The following PLXNB2 variants were observed in gnomAD, a reference collection of about 807,000 sequenced individuals.
The protein encoded by PLXNB2 is plexin-B2.
Under a neutral mutation model 202.6 loss-of-function variants are expected in PLXNB2, and 85 were observed. The observed-to-expected ratio is 0.42, with a 90% CI of 0.35 to 0.50. The LOEUF (loss-of-function observed/expected upper bound fraction) is 0.50, where lower values mean the gene tolerates loss of function less well. PLXNB2 is among the 20% of genes least tolerant of loss of function. PLXNB2 has a pLI of 0.02. For synonymous variants in PLXNB2, 1,239 were observed against 1,137.6 expected (o/e 1.09, Z -1.79); for missense variants, 2,063 against 2,586.2 (o/e 0.80, Z 4.39).
Position 50,276,843 on chromosome 22 carries a change from C to T in PLXNB2, c.5260G>A (p.Asp1754Asn), listed in dbSNP as rs769993436. 8.7e-6 allele frequency: 14 copies of T among 1,606,382 alleles called. No homozygotes were observed. Among genetic ancestry groups the T allele is most frequent in the African/African-American group, 2.7e-5 (2 of 74,788 alleles). The change falls in exon 34 of 37, where the codon GAT becomes AAT. Residue 1754 changes from aspartate (D) to asparagine (N), a missense_variant and splice_region_variant. Transcript: ENST00000359337. ...EISTYKKMVE[D>N]YYKGIRQMVQ... is the part of the protein sequence containing the mutation. ...GGCCTGGAGGGCAGGCAGACTTACT[C>T]CTCCACCATCTTCTTGTAGGTGGAG...
intron 1 of PLXNB2, among the ~76,000 whole-genome samples, chr22:50,305,545 C>T (rs1174883505): frequency 1.3e-5 from 2 of 152,198 alleles, no homozygotes; most frequent in South Asian, 4.1e-4. Flanking sequence ...CAGAGGGGGT[C>T]GTAGGCAAGG....
Position 50,297,293 on chromosome 22 carries a change from G to A in PLXNB2, c.-73-2515C>T, listed in dbSNP as rs932184066. ...ACGGGCCCAGGCCCCAGGCGTGGGCGGGGGCAGCCAAGGTCAGGGGAGGCT... is the reference window on the plus strand; with the variant it reads ...ACGGGCCCAGGCCCCAGGCGTGGGCAGGGGCAGCCAAGGTCAGGGGAGGCT... On this transcript the variant is annotated intron_variant, in intron 1 of 36. Coordinates refer to ENST00000359337, the MANE Select transcript of PLXNB2 (RefSeq NM_012401.4). This position sits in a 1 kb window ranked among gnomAD's most constrained non-coding sequence, Gnocchi z 5.3. Among the ~76,000 whole-genome samples the A allele has an allele frequency of 2.0e-5, 3 of 152,198 alleles. No individual in the cohort carries two copies. Among genetic ancestry groups the A allele is most frequent in the South Asian group, 2.1e-4 (1 of 4,824 alleles).
chr22:50,279,699 T>G lies in PLXNB2; in HGVS notation c.4320A>C (p.Val1440=). The G allele has an allele frequency of 6.2e-7, 1 of 1,613,954 alleles. No homozygotes were observed. Among genetic ancestry groups the G allele is most frequent in the Non-Finnish European group, 8.5e-7 (1 of 1,179,938 alleles). Residue 1440 remains valine, a synonymous_variant, in exon 27 of 37, where the codon GTA becomes GTC. Coordinates refer to ENST00000359337, the MANE Select transcript of PLXNB2 (RefSeq NM_012401.4). ...TGAGAGTGTACTTGGCCTTCTTCTG[T>G]ACCGCATCCACCGGGCCCTTTTCCA... ...HQVEKGPVDA[V]QKKAKYTLND...
chr22:50,281,465 C>T lies in PLXNB2; in HGVS notation c.3557G>A (p.Arg1186His), dbSNP rs755195831. 2.7e-5 allele frequency: 43 copies of T among 1,612,234 alleles called. No homozygotes were observed. The highest frequency in any genetic ancestry group is 1.6e-4 in the Middle Eastern group (1 of 6,084). The change falls in exon 22 of 37, where the codon CGC becomes CAC. Residue 1186 changes from arginine (R) to histidine (H), a missense_variant. By Grantham distance (29) the Arg-to-His change is conservative. Around this residue, in one of 2 missense-constraint regions of PLXNB2, gnomAD observed 760 missense variants for 1,109.4 expected, o/e 0.69. Transcript: ENST00000359337. Reference protein sequence around the residue: ...KFGSREWVLGRVEYDTRVSDV... With the variant: ...KFGSREWVLGHVEYDTRVSDV... ...GCTCACCCGTGTGTCGTACTCCACGCGGCCCAGCACCCACTCGCGAGAGCC... is the reference window on the plus strand; with the variant it reads ...GCTCACCCGTGTGTCGTACTCCACGTGGCCCAGCACCCACTCGCGAGAGCC...
At position 50,284,717 on chromosome 22, in the gene PLXNB2, C is replaced by G. The variant is rs759385312; in HGVS notation, c.2089-52G>C. The G allele has an allele frequency of 2.1e-6, 3 of 1,403,530 alleles. No homozygotes were observed. The highest frequency in any genetic ancestry group is 3.0e-6 in the Non-Finnish European group (3 of 990,062). 86.9% of individuals were successfully genotyped at this position (1,403,530 alleles called of 1,614,324 possible). On this transcript the variant is annotated intron_variant, in intron 11 of 36. Transcript: ENST00000359337. The surrounding 1 kb of genome is among the most constrained non-coding windows in gnomAD (Gnocchi z 8.0). Reference sequence around the variant, plus strand: ...GACAGGCGGCTGTGGCACCCTGGCCCTCCTCCCAGAACCCCTGCAGCCCCT... The same window carrying G: ...GACAGGCGGCTGTGGCACCCTGGCCGTCCTCCCAGAACCCCTGCAGCCCCT...
At position 50,288,660 on chromosome 22, in the gene PLXNB2, C is replaced by T. The variant is rs965222619; in HGVS notation, c.1380+83G>A. On this transcript the variant is annotated intron_variant, in intron 5 of 36. Transcript: ENST00000359337. The surrounding 1 kb of genome is among the most constrained non-coding windows in gnomAD (Gnocchi z 5.0). ...CTGCAGCACCCCATCCTCCTCTGGC[C>T]CCCAGGCCTGTCCTAAGGGCCTGGG... 31 of 1,558,918 alleles carry T rather than the reference C, an allele frequency of 2.0e-5. No individual in the cohort carries two copies. Among genetic ancestry groups the T allele is most frequent in the Non-Finnish European group, 2.6e-5 (30 of 1,148,716 alleles).
In PLXNB2 at chr22:50,281,546, G is replaced by A. The variant is rs780062318; in HGVS notation, c.3522+20C>T. The A allele has an allele frequency of 8.7e-6, 14 of 1,607,622 alleles. 1 individual carries two copies. The East Asian group carries it at 1.1e-4, about 13-fold the overall frequency. Reference sequence around the variant, plus strand: ...GCGCGGTCCCGTGGGGGCACCCCCCGCCAGTCCCCGCTCACGCACAATGAA... The same window carrying A: ...GCGCGGTCCCGTGGGGGCACCCCCCACCAGTCCCCGCTCACGCACAATGAA... On this transcript the variant is annotated intron_variant, in intron 21 of 36. Coordinates refer to ENST00000359337, the MANE Select transcript of PLXNB2 (RefSeq NM_012401.4).
At position 50,287,179 on chromosome 22, in the gene PLXNB2, G is replaced by A; in HGVS notation, c.1694C>T (p.Ala565Val). Reference protein sequence around the residue: ...CLFGESPPHPARVEGEAVICN... With the variant: ...CLFGESPPHPVRVEGEAVICN... ...GATGACGGCCTCGCCCTCCACGCGG[G>A]CGGGGTGTGGCGGCGACTCCCCAAA... is the stretch of plus-strand genomic sequence containing the variant. The change falls in exon 8 of 37, where the codon GCC (alanine) becomes GTC (valine). Residue 565 changes from alanine (A) to valine (V), a missense_variant. By Grantham distance (64) the Ala-to-Val change is moderately conservative (BLOSUM62 0). Around this residue, in one of 2 missense-constraint regions of PLXNB2, gnomAD observed 1,303 missense variants for 1,476.8 expected, o/e 0.88. Coordinates refer to ENST00000359337, the MANE Select transcript of PLXNB2 (RefSeq NM_012401.4). 15 of 1,548,192 alleles carry A rather than the reference G, an allele frequency of 9.7e-6. No individual in the cohort carries two copies. The highest frequency in any genetic ancestry group is 1.3e-5 in the Non-Finnish European group (15 of 1,145,778).
At chr22:50,294,861 G>T in intron 1 of PLXNB2, 83 bp from the exon 2 acceptor site, 2 of 702,418 alleles carry the variant, frequency 2.8e-6, no homozygotes, top group Non-Finnish European at 3.5e-6. Flanking sequence ...TGCTGGTGGG[G>T]CTTGGGGGAA....
chr22:50,283,154 C>T lies in PLXNB2; in HGVS notation c.2712G>A (p.Gln904=). Residue 904 remains glutamine, a synonymous_variant, in exon 17 of 37, where the codon CAG becomes CAA. Coordinates refer to ENST00000359337, the MANE Select transcript of PLXNB2 (RefSeq NM_012401.4). ...QPKPLSVEPQ[Q]GPQAGGTTLT... The stretch of plus-strand genomic sequence containing the variant: ...GTGTGGTGCCGCCCGCCTGCGGTCC[C>T]TGCTGCGGCTCCACACTGAGAGGCT... 6.3e-7 allele frequency: 1 copy of T among 1,597,662 alleles called. No individual in the cohort carries two copies. The highest frequency in any genetic ancestry group is 1.7e-4 in the Middle Eastern group (1 of 5,842).
chr22:50,286,246 T>C lies in PLXNB2; in HGVS notation c.1804A>G (p.Asn602Asp), dbSNP rs1407258647. ...TACTGGTAGGACGTGAGGAAGATGT[T>C]GCCTCGTCTAAGGAGGAGCTGGATG... is the stretch of plus-strand genomic sequence containing the variant. ...VTIQLLLRRG[N>D]IFLTSYQYPF... The change falls in exon 9 of 37, where the codon AAC becomes GAC. Residue 602 changes from asparagine (N) to aspartate (D), a missense_variant. Around this residue, in one of 2 missense-constraint regions of PLXNB2, gnomAD observed 1,303 missense variants for 1,476.8 expected, o/e 0.88. Transcript: ENST00000359337. 5 of 1,613,278 alleles carry C rather than the reference T, an allele frequency of 3.1e-6. No homozygotes were observed. In the South Asian group the frequency reaches 5.5e-5, roughly 18 times the overall value.
chr22:50,296,194 A>ACACACACG lies in PLXNB2; in HGVS notation c.-73-1417_-73-1416insCGTGTGTG, dbSNP rs1860735584. 4.5e-4 allele frequency among the ~76,000 whole-genome samples: 4 copies of ACACACACG among 8,976 alleles called. No individual in the cohort carries two copies. In the South Asian group the frequency reaches 0.031, roughly 69 times the overall value. 5.9% of individuals were successfully genotyped at this position (8,976 alleles called of 152,430 possible). On this transcript the variant is annotated intron_variant, in intron 1 of 36. Coordinates refer to ENST00000359337, the MANE Select transcript of PLXNB2 (RefSeq NM_012401.4). ...CCAGAGTGAGACTGTCTCAAAAAAT[A>ACACACACG]CACACACACACACACACACACACAC...
At chr22:50,279,967 C>G (rs763237336) in intron 26 of PLXNB2, 38 bp downstream of exon 26, 1 of 1,524,816 alleles carries the variant, frequency 6.6e-7, no homozygotes, top group East Asian at 2.3e-5. Context: ...CAGTCTGCCT[C>G]ATCCCTCAAG....
In PLXNB2 at chr22:50,287,944, C is replaced by T. The variant is rs763707512; in HGVS notation, c.1474G>A (p.Glu492Lys). Residue 492 changes from glutamate (E) to lysine (K), a missense_variant, in exon 6 of 37, where the codon GAG (glutamate) becomes AAG (lysine). Physicochemically the swap from Glu to Lys is moderately conservative, Grantham distance 56. Transcript: ENST00000359337. ...GCCACCCCAGGCACTCACCGTCCCT[C>T]GACGACGCACCAGCCGCAGTAGGGG... ...QDPYCGWCVV[E>K]GRCTRKAECP... is the part of the protein sequence containing the mutation. 6 of 1,585,364 alleles carry T rather than the reference C, an allele frequency of 3.8e-6. No homozygotes were observed. Among genetic ancestry groups the T allele is most frequent in the South Asian group, 2.3e-5 (2 of 87,442 alleles).
Position 50,280,629 on chromosome 22 carries a change from G to A in PLXNB2, c.4035C>T (p.Arg1345=), listed in dbSNP as rs370802560. The change falls in exon 25 of 37, where the codon CGC becomes CGT. Residue 1345 remains arginine, a synonymous_variant. Coordinates refer to ENST00000359337, the MANE Select transcript of PLXNB2 (RefSeq NM_012401.4). Reference sequence around the variant, plus strand: ...GCAGGGACGCGAAGTAGACCTTGGCGCGGGCCGAGAACTCCCGCTGGTTCT... The same window carrying A: ...GCAGGGACGCGAAGTAGACCTTGGCACGGGCCGAGAACTCCCGCTGGTTCT... ...TLENQREFSA[R]AKVYFASLLT... The A allele has an allele frequency of 2.9e-4, 461 of 1,612,686 alleles. No homozygotes were observed. The highest frequency in any genetic ancestry group is 5.2e-4 in the South Asian group (47 of 91,086).
chr22:50,287,032 C>A (rs1333868045), intron 8 of PLXNB2, 79 bp downstream of exon 8: 1 of 1,353,508 alleles, frequency 7.4e-7, no homozygotes, highest in African/African-American at 1.5e-5. Context: ...ACCCAGGGGC[C>A]AGCAGAGGCG....
At chr22:50,305,540 G>C (rs1026451021) in intron 1 of PLXNB2, among the ~76,000 whole-genome samples, 2 of 152,220 alleles carry the variant, frequency 1.3e-5, no homozygotes, top group African/African-American at 4.8e-5. Context: ...ATATCCAGAG[G>C]GGGTCGTAGG....
At chr22:50,299,182 G>A (rs998199225) in intron 1 of PLXNB2, among the ~76,000 whole-genome samples, 15 of 152,176 alleles carry the variant, frequency 9.9e-5, no homozygotes, top group African/African-American at 3.6e-4. Context: ...AGGCCTGGGA[G>A]GGCAGGAGGG....
Position 50,291,347 on chromosome 22 carries a change from C to T in PLXNB2, c.-13-750G>A, listed in dbSNP as rs1459196543. ...GGGGAGCCATGAGCAACTCCAAATC[C>T]ACCAGGTCTCAGAGGCAGAGGCCCC... is the stretch of plus-strand genomic sequence containing the variant. On this transcript the variant is annotated intron_variant, in intron 2 of 36. Transcript: ENST00000359337. This position sits in a 1 kb window ranked among gnomAD's most constrained non-coding sequence, Gnocchi z 4.3. Among the ~76,000 whole-genome samples the T allele has an allele frequency of 6.6e-6, 1 of 152,112 alleles. No individual in the cohort carries two copies. Among genetic ancestry groups the T allele is most frequent in the Non-Finnish European group, 1.5e-5 (1 of 68,008 alleles).
Sources: gnomAD v4.1 joint callset for allele counts (sites outside exome capture counted in the v4.1 genomes callset) on GRCh38, gnomAD v4.1.1 for gene constraint, gnomAD v4.1.1 regional missense constraint, Gnocchi (gnomAD v3.1) non-coding constraint, MANE v1.5 for transcripts, NCBI Gene and HGNC (gene_info 2026-07-23, HGNC 2026-07-21) for gene names.